PLD3: variants seen among roughly 807,000 people sequenced by gnomAD.
PLD3 encodes phospholipase D family member 3.
A neutral mutation model predicts 58.4 loss-of-function variants in PLD3; 31 were observed. The ratio of observed to expected loss-of-function variants is 0.53; its 90% CI spans 0.40 to 0.72. PLD3 has a LOEUF of 0.72. Ranked by LOEUF, PLD3 falls within the 30% of genes least tolerant of loss-of-function variation. The pLI is 0.00. For missense variants in PLD3, 595 were observed against 659.8 expected, an observed-to-expected ratio of 0.90 and a Z score of 1.08; for synonymous variants, 264 against 273.4, an observed-to-expected ratio of 0.97 and a Z score of 0.34.
At chr19:40,373,785 G>A (rs546710095) in intron 9 of PLD3, among the ~76,000 whole-genome samples, 10 of 152,056 alleles carry the variant, frequency 6.6e-5, no homozygotes, top group African/African-American at 2.2e-4. Flanking sequence ...TCAGGAGTTC[G>A]AGACCTGCCT....
chr19:40,373,539 T>G (rs1321456667), intron 9 of PLD3, among the ~76,000 whole-genome samples: 1 of 137,546 alleles, frequency 7.3e-6, no homozygotes, highest in Non-Finnish European at 1.5e-5. Flanking sequence ...ATTGCACCAT[T>G]GCCCTCCAGG....
At chr19:40,366,236 G>A (rs575008193) in intron 2 of PLD3, 183 bp from the exon 3 acceptor site, 5 of 589,392 alleles carry the variant, frequency 8.5e-6, no homozygotes, top group Admixed American at 5.8e-5. Flanking sequence ...GCAGCAGAGC[G>A]TTGGATTTTG....
intron 6 of PLD3, among the ~76,000 whole-genome samples, chr19:40,368,750 C>G (rs936846700): frequency 6.6e-6 from 1 of 151,806 alleles, no homozygotes; most frequent in Admixed American, 6.6e-5. Context: ...CTCCCCTCAA[C>G]CATCTCTACT....
chr19:40,368,067 G>C, intron 6 of PLD3, among the ~76,000 whole-genome samples, 188 bp downstream of exon 6: 1 of 152,156 alleles, frequency 6.6e-6, no homozygotes, highest in Non-Finnish European at 1.5e-5. Flanking sequence ...CGTTTGTCAC[G>C]GTCATCTGTA....
chr19:40,357,486 G>A (rs1366960475), intron 1 of PLD3: 4 of 152,282 alleles, frequency 2.6e-5, no homozygotes, highest in African/African-American at 9.6e-5. Context: ...CAGATGGCTT[G>A]AATCAGCCTT....
At chr19:40,357,914 T>C (rs1199282296) in intron 1 of PLD3, 1 of 152,194 alleles carries the variant, frequency 6.6e-6, no homozygotes, top group Non-Finnish European at 1.5e-5. Context: ...AGGTTGGTAT[T>C]ATTAATCTCC....
chr19:40,369,746 G>C lies in PLD3; in HGVS notation c.430-162G>C, dbSNP rs919577340. On this transcript the variant is annotated intron_variant, in intron 6 of 12. Coordinates refer to ENST00000409735, the MANE Select transcript of PLD3 (RefSeq NM_012268.4). ...GATAAAGATGTTTAAAACAGATAAGGAAGTCTTTTAATATTTTAATCTGTA... is the reference window on the plus strand; with the variant it reads ...GATAAAGATGTTTAAAACAGATAAGCAAGTCTTTTAATATTTTAATCTGTA... 12 of 643,048 alleles carry C rather than the reference G, an allele frequency of 1.9e-5. No individual in the cohort carries two copies. In the African/African-American group the frequency reaches 2.2e-4, roughly 12 times the overall value. 39.8% of individuals were successfully genotyped at this position (643,048 alleles called of 1,614,324 possible). A position where few individuals can be genotyped will look rare whatever the true frequency, so the allele number is the denominator to read the frequency against.
chr19:40,378,211 C>T lies in PLD3; in HGVS notation c.*38C>T, dbSNP rs2079293176. The T allele has an allele frequency of 6.3e-7, 1 of 1,580,524 alleles. No homozygotes were observed. The highest frequency in any genetic ancestry group is 8.6e-7 in the Non-Finnish European group (1 of 1,160,212). On this transcript the variant is annotated 3_prime_UTR_variant, in exon 13 of 13. Transcript: ENST00000409735. ...TGGGCAGGCCAAGGCCTGCTGGGCC[C>T]CCGCGGACCCAGGTGCTCTGGGTCA...
At chr19:40,375,026 C>A (rs562169063) in intron 10 of PLD3, among the ~76,000 whole-genome samples, 6 of 152,042 alleles carry the variant, frequency 3.9e-5, no homozygotes, top group Admixed American at 1.3e-4. Flanking sequence ...CGTGGTGGCA[C>A]GTGCTTGTAA....
intron 5 of PLD3, chr19:40,367,163 C>A: frequency 1.9e-6 from 1 of 516,650 alleles, no homozygotes; most frequent in Non-Finnish European, 3.4e-6. Flanking sequence ...TGGACCCACA[C>A]ACACATCTCA....
At position 40,366,698 on chromosome 19, in the gene PLD3, G is replaced by A. The variant is rs1051278101; in HGVS notation, c.102+14G>A. Reference sequence around the variant, plus strand: ...GCTGCGGAAAAGGTAGGAGCCCTCCGCCACCCTCGCTCTGTCTCAGAGACA... The same window carrying A: ...GCTGCGGAAAAGGTAGGAGCCCTCCACCACCCTCGCTCTGTCTCAGAGACA... On this transcript the variant is annotated intron_variant, in intron 4 of 12. Transcript: ENST00000409735. 9 of 1,611,782 alleles carry A rather than the reference G, an allele frequency of 5.6e-6. No individual in the cohort carries two copies. The highest frequency in any genetic ancestry group is 3.3e-5 in the South Asian group (3 of 90,980).
intron 1 of PLD3, among the ~76,000 whole-genome samples, chr19:40,355,282 T>C (rs940046716): frequency 3.9e-5 from 6 of 152,004 alleles, no homozygotes; most frequent in African/African-American, 1.4e-4. Flanking sequence ...TAGAATAACA[T>C]CTTTAAGAAG....
At chr19:40,351,420 C>G (rs963414172) in intron 1 of PLD3, among the ~76,000 whole-genome samples, 9 of 151,954 alleles carry the variant, frequency 5.9e-5, no homozygotes, top group African/African-American at 2.2e-4. Flanking sequence ...TGGCAGACAC[C>G]TGTAATCCCA....
At chr19:40,363,349 C>G (rs200170693) in intron 1 of PLD3, among the ~76,000 whole-genome samples, 1 of 96,730 alleles carries the variant, frequency 1.0e-5, no homozygotes, top group African/African-American at 4.8e-5. Flanking sequence ...CTGATGTTAT[C>G]TTCTGCTTCT....
intron 1 of PLD3, chr19:40,357,437 T>C (rs2078680381): frequency 6.6e-6 from 1 of 152,152 alleles, no homozygotes; most frequent in South Asian, 2.1e-4. Flanking sequence ...CTGCCTCATG[T>C]TTCCTGTATG....
chr19:40,349,277 A>T (rs972262196), intron 1 of PLD3, among the ~76,000 whole-genome samples: 4 of 151,946 alleles, frequency 2.6e-5, no homozygotes, highest in African/African-American at 9.7e-5. Context: ...TTACGTCATC[A>T]TTACCCCTTG....
chr19:40,374,469 C>T lies in PLD3; in HGVS notation c.880-12C>T. On this transcript the variant is annotated splice_polypyrimidine_tract_variant and intron_variant, in intron 9 of 12. Transcript: ENST00000409735. ...GGCAGGGCACATGTCTTAACTGTCC[C>T]CTCGCCCTCAGAGTGCGCCCCCACC... is the stretch of plus-strand genomic sequence containing the variant. 1 of 1,613,836 alleles carries T rather than the reference C, an allele frequency of 6.2e-7. No individual in the cohort carries two copies. The highest frequency in any genetic ancestry group is 8.5e-7 in the Non-Finnish European group (1 of 1,179,936).
chr19:40,366,985 A>G, intron 5 of PLD3, 70 bp downstream of exon 5: 1 of 1,501,678 alleles, frequency 6.7e-7, no homozygotes, highest in Non-Finnish European at 8.9e-7. Flanking sequence ...CACACACTAA[A>G]CAGGGCCTGC....
intron 9 of PLD3, 67 bp from the exon 10 acceptor site, chr19:40,374,414 G>A (rs2079141358): frequency 2.4e-5 from 37 of 1,568,600 alleles, no homozygotes; most frequent in South Asian, 2.2e-4. Context: ...TGAGCTGTCC[G>A]TATGTGGGGT....
Sources: allele counts gnomAD v4.1 joint callset (sites outside exome capture counted in the v4.1 genomes callset), GRCh38; gene constraint gnomAD v4.1.1; transcripts MANE v1.5; gene names NCBI Gene and HGNC (gene_info 2026-07-23, HGNC 2026-07-21).